The following PAH variants were observed in gnomAD, a reference collection of about 807,000 sequenced individuals.
PAH encodes phenylalanine-4-hydroxylase.
A neutral mutation model predicts 62.0 loss-of-function variants in PAH; 64 were observed. The observed-to-expected ratio is 1.03, with a 90% CI of 0.84 to 1.27. PAH has a LOEUF of 1.27. PAH is among the 50% of genes most tolerant of loss of function. The pLI is 0.00. For missense variants in PAH, 579 were observed against 542.8 expected (o/e 1.07, Z -0.66); for synonymous variants, 195 against 196.2 (o/e 0.99, Z 0.05).
chr12:102,935,126 A>G (rs1230003189), intron 1 of PAH, among the ~76,000 whole-genome samples: 4 of 152,100 alleles, frequency 2.6e-5, no homozygotes, highest in Admixed American at 2.6e-4. Flanking sequence ...ATTTTATCCA[A>G]TGCTTTTTCA....
intron 8 of PAH, chr12:102,847,270 C>A: frequency 2.5e-6 from 1 of 395,122 alleles, no homozygotes; most frequent in Non-Finnish European, 4.8e-6. Flanking sequence ...GACTCCAGCT[C>A]AGTGATTATT....
chr12:102,907,404 C>A (rs1223171509), intron 2 of PAH, among the ~76,000 whole-genome samples: 1 of 152,154 alleles, frequency 6.6e-6, no homozygotes, highest in Admixed American at 6.5e-5. Flanking sequence ...TTCCACTGCA[C>A]ATTAGCTGTG....
intron 5 of PAH, among the ~76,000 whole-genome samples, chr12:102,856,211 G>A (rs1875421753): frequency 6.6e-6 from 1 of 152,096 alleles, no homozygotes; most frequent in African/African-American, 2.4e-5. Flanking sequence ...AAGTACATAT[G>A]CCAGGCCGCA....
chr12:102,943,002 C>T (rs1326821687), intron 1 of PAH, among the ~76,000 whole-genome samples: 1 of 152,008 alleles, frequency 6.6e-6, no homozygotes, highest in African/African-American at 2.4e-5. Flanking sequence ...CCATTCTGGA[C>T]ATCAGCGCTA....
At chr12:102,876,788 C>T (rs61942037) in intron 4 of PAH, among the ~76,000 whole-genome samples, 1 of 151,810 alleles carries the variant, frequency 6.6e-6, no homozygotes, top group Non-Finnish European at 1.5e-5. Flanking sequence ...CGGCCCTCTA[C>T]TCAAAAACCA....
chr12:102,859,477 G>C (rs1236439402), intron 5 of PAH, among the ~76,000 whole-genome samples: 2 of 152,162 alleles, frequency 1.3e-5, no homozygotes, highest in African/African-American at 4.8e-5. Context: ...CATTTTATGA[G>C]GCCAGCATCA....
At chr12:102,912,365 CAATATT>C (rs974785001) in intron 2 of PAH, among the ~76,000 whole-genome samples, 1 of 152,018 alleles carries the variant, frequency 6.6e-6, no homozygotes, top group Non-Finnish European at 1.5e-5. Context: ...AGAAGACAAT[CAATATT>C]AATTTAGTGA....
chr12:102,861,506 A>C (rs866766196), intron 5 of PAH, among the ~76,000 whole-genome samples: 7 of 152,254 alleles, frequency 4.6e-5, no homozygotes, highest in South Asian at 2.1e-4. Flanking sequence ...ATTATAAATC[A>C]TGCTGCTATA....
intron 3 of PAH, among the ~76,000 whole-genome samples, chr12:102,889,037 G>A (rs1001175955): frequency 1.3e-5 from 2 of 152,090 alleles, no homozygotes; most frequent in Non-Finnish European, 2.9e-5. Flanking sequence ...CAGGTGGTGG[G>A]AGTGGGGAAA....
At chr12:102,885,166 G>A (rs1166791149) in intron 3 of PAH, among the ~76,000 whole-genome samples, 1 of 152,130 alleles carries the variant, frequency 6.6e-6, no homozygotes, top group African/African-American at 2.4e-5. Context: ...AGATCCCTAG[G>A]ACAGCCTTGA....
intron 1 of PAH, among the ~76,000 whole-genome samples, chr12:102,943,147 T>C (rs1273164363): frequency 1.3e-5 from 2 of 151,962 alleles, no homozygotes; most frequent in African/African-American, 4.8e-5. Context: ...ACCCACAAAA[T>C]GGGAGAAAAT....
At chr12:102,884,417 C>T (rs1876944709) in intron 3 of PAH, among the ~76,000 whole-genome samples, 1 of 152,234 alleles carries the variant, frequency 6.6e-6, no homozygotes, top group South Asian at 2.1e-4. Flanking sequence ...CATGTGCTGA[C>T]TCTTTACATT....
chr12:102,877,987 G>C (rs1406082374), intron 3 of PAH, among the ~76,000 whole-genome samples: 1 of 152,042 alleles, frequency 6.6e-6, no homozygotes, highest in Non-Finnish European at 1.5e-5. Flanking sequence ...CATCATGCCT[G>C]CCCAATTTTT....
In PAH at chr12:102,843,673, C is replaced by G. The variant is rs869312997; in HGVS notation, c.1172G>C (p.Ser391Thr). 1 of 1,613,794 alleles carries G rather than the reference C, an allele frequency of 6.2e-7. No homozygotes were observed. The highest frequency in any genetic ancestry group is 2.2e-5 in the East Asian group (1 of 44,846). ...TACTTTCTCCTTGGCATCATTAAAACTCTCTGCCACGTAATAGAGGGGCTG... is the reference window on the plus strand; with the variant it reads ...TACTTTCTCCTTGGCATCATTAAAAGTCTCTGCCACGTAATAGAGGGGCTG... ...EFQPLYYVAESFNDAKEKVRN... is the reference protein window; with the variant it reads ...EFQPLYYVAETFNDAKEKVRN... Residue 391 changes from serine to threonine, a missense_variant, in exon 11 of 13, where the codon AGT (serine) becomes ACT (threonine). Coordinates refer to ENST00000553106, the MANE Select transcript of PAH (RefSeq NM_000277.3).
upstream of PAH, among the ~76,000 whole-genome samples, chr12:102,921,703 A>C (rs1218449851): frequency 6.6e-6 from 1 of 151,990 alleles, no homozygotes; most frequent in African/African-American, 2.4e-5. Flanking sequence ...TGCCTTGGGG[A>C]TTTCTTAGAG....
At chr12:102,894,440 A>AT (rs1555207942) in intron 3 of PAH, among the ~76,000 whole-genome samples, 1 of 151,154 alleles carries the variant, frequency 6.6e-6, no homozygotes, top group African/African-American at 2.4e-5. Context: ...AAAAAAAAAA[A>AT]AGAAAAAAGA....
chr12:102,868,088 GTATA>G (rs1318440704), intron 4 of PAH, among the ~76,000 whole-genome samples: 2 of 45,256 alleles, frequency 4.4e-5, no homozygotes, highest in Non-Finnish European at 9.0e-5. Context: ...ATGTGTGTGT[GTATA>G]TATATATATA....
chr12:102,951,609 T>G (rs1292235260), upstream of PAH, among the ~76,000 whole-genome samples: 1 of 152,134 alleles, frequency 6.6e-6, no homozygotes, highest in East Asian at 1.9e-4. Context: ...GGGGAGAACC[T>G]AAAGTTTGCT....
upstream of PAH, chr12:102,917,267 G>A: frequency 1.3e-6 from 1 of 760,890 alleles, no homozygotes; most frequent in Non-Finnish European, 2.3e-6. Context: ...CTCTTGCGTG[G>A]TGCATCTCCG....
Sources: allele counts gnomAD v4.1 joint callset (sites outside exome capture counted in the v4.1 genomes callset), GRCh38; gene constraint gnomAD v4.1.1; transcripts MANE v1.5; gene names NCBI Gene and HGNC (gene_info 2026-07-23, HGNC 2026-07-21).